Variants in FGF13 observed in about 807,000 individuals in gnomAD.
The protein encoded by FGF13 is fibroblast growth factor 13.
Under a neutral mutation model 19.5 loss-of-function variants are expected in FGF13, and 2 were observed. That is an observed-to-expected ratio of 0.10 (90% CI 0.04 to 0.32). The LOEUF is 0.32. Ranked by LOEUF, FGF13 falls within the 10% of genes least tolerant of loss-of-function variation. The probability of loss-of-function intolerance (pLI) is 1.00; values close to 1 mark genes in which losing one functional copy is unlikely to be tolerated. For missense variants in FGF13, 113 were observed against 192.7 expected (o/e 0.59, Z 2.45); for synonymous variants, 72 against 76.9 (o/e 0.94, Z 0.33).
intron 3 of FGF13, among the ~76,000 whole-genome samples, chrX:138,826,841 C>T (rs1396076932): frequency 1.8e-5 from 2 of 112,185 alleles, no homozygotes. Flanking sequence ...ACTTATGACC[C>T]AAGAGATCCT....
intron 1 of FGF13, among the ~76,000 whole-genome samples, chrX:138,865,473 C>CTT (rs375917846): frequency 1.6e-5 from 1 of 64,421 alleles, no homozygotes; most frequent in East Asian, 4.2e-4. Flanking sequence ...CTCTCTCTCT[C>CTT]CTCTCTCTCT....
At chrX:139,200,435 A>C (rs961280448) in intron 1 of FGF13, among the ~76,000 whole-genome samples, 1 of 112,226 alleles carries the variant, frequency 8.9e-6, no homozygotes, top group African/African-American at 3.2e-5. Flanking sequence ...GGAAGTGAAC[A>C]AAAAACGAAC....
upstream of FGF13, among the ~76,000 whole-genome samples, chrX:138,741,947 C>G (rs753191495): frequency 8.9e-6 from 1 of 111,903 alleles, no homozygotes; most frequent in Non-Finnish European, 1.9e-5. Flanking sequence ...AGACTGGGTT[C>G]TTGGAATGTA....
At chrX:139,003,619 GAT>G (rs1230036031) in intron 1 of FGF13, among the ~76,000 whole-genome samples, 2 of 34,540 alleles carry the variant, frequency 5.8e-5, no homozygotes, top group Admixed American at 4.9e-4. Flanking sequence ...AGATTAGTTA[GAT>G]ACAGAGTTTC....
At chrX:139,003,298 T>TGGTCTTGC (rs2092082908) in intron 1 of FGF13, among the ~76,000 whole-genome samples, 1 of 110,958 alleles carries the variant, frequency 9.0e-6, no homozygotes, top group African/African-American at 3.3e-5. Context: ...GGTGGGCTTG[T>TGGTCTTGC]GGTCTCGCTG....
rs746680951 is a variant in FGF13, at chrX:138,837,845, C to G, written c.217+19667G>C. Among the ~76,000 whole-genome samples, 8 of 112,717 alleles carry G rather than the reference C, an allele frequency of 7.1e-5. No homozygotes were observed. The South Asian group carries it at 2.6e-3, about 36-fold the overall frequency. ...CAAAGATGGCAGCCTGCCCCTCACT[C>G]TGGGTTCTCTGTCCCAGGGAGTTTT... On this transcript the variant is annotated intron_variant, in intron 3 of 6. Coordinates refer to the FGF13 transcript ENST00000436198.
intron 1 of FGF13, among the ~76,000 whole-genome samples, chrX:139,079,356 G>A (rs774771807): frequency 1.8e-5 from 2 of 109,793 alleles, no homozygotes; most frequent in Non-Finnish European, 3.8e-5. Context: ...ACAATATGGA[G>A]AACAAGACAG....
rs146219081 is a variant in FGF13, at chrX:139,008,169, C to T, written c.-112-143519G>A. Among the ~76,000 whole-genome samples the T allele has an allele frequency of 1.6e-3, 182 of 112,232 alleles. 9 individuals are homozygous for T. The East Asian group carries it at 0.04, about 25-fold the overall frequency. ...AAGCCCTGCCCAAAGAGAATCTGAG[C>T]TCAGATATGCCTATCCCTGCCCCCA... On this transcript the variant is annotated intron_variant, in intron 1 of 2. Coordinates refer to the FGF13 transcript ENST00000421460.
At chrX:138,671,390 A>G (rs185571029) in intron 3 of FGF13, among the ~76,000 whole-genome samples, 2 of 112,034 alleles carry the variant, frequency 1.8e-5, no homozygotes, top group East Asian at 5.6e-4. Flanking sequence ...ACGTTTATCA[A>G]TATCTTTTCC....
intron 3 of FGF13, among the ~76,000 whole-genome samples, chrX:138,746,979 C>CAA (rs2090360840): frequency 9.0e-6 from 1 of 111,471 alleles, no homozygotes; most frequent in South Asian, 3.8e-4. Flanking sequence ...CAAGTGATTT[C>CAA]ATCTGTTTCC....
chrX:138,888,835 A>G (rs1451481519), intron 1 of FGF13, among the ~76,000 whole-genome samples: 2 of 111,857 alleles, frequency 1.8e-5, no homozygotes, highest in Admixed American at 1.9e-4. Flanking sequence ...AAGAAACTCT[A>G]TCGTCAACCA....
intron 1 of FGF13, among the ~76,000 whole-genome samples, chrX:139,029,841 CA>C (rs1307439197): frequency 8.9e-6 from 1 of 111,763 alleles, no homozygotes; most frequent in African/African-American, 3.2e-5. Context: ...TATGATACTG[CA>C]CAGAATCTCA....
intron 1 of FGF13, among the ~76,000 whole-genome samples, chrX:139,192,433 C>A (rs940823985): frequency 1.8e-5 from 2 of 112,046 alleles, no homozygotes; most frequent in Non-Finnish European, 3.8e-5. Flanking sequence ...AGTCAGATTA[C>A]CATCTCTTTT....
intron 1 of FGF13, among the ~76,000 whole-genome samples, chrX:138,953,600 G>GAAA (rs2091825725): frequency 9.0e-6 from 1 of 111,453 alleles, no homozygotes; most frequent in Non-Finnish European, 1.9e-5. Flanking sequence ...GAAAACATCT[G>GAAA]TCTGCAAAAA....
intron 1 of FGF13, among the ~76,000 whole-genome samples, chrX:138,735,276 A>G (rs1273985601): frequency 8.9e-6 from 1 of 112,065 alleles, no homozygotes; most frequent in East Asian, 2.8e-4. Flanking sequence ...AAAGAGTCCT[A>G]GTAAACACCT....
intron 1 of FGF13, among the ~76,000 whole-genome samples, chrX:138,867,833 C>CTATCTATCTATCATCT (rs1556269063): frequency 8.8e-4 from 87 of 99,317 alleles, no homozygotes; most frequent in East Asian, 2.7e-3. Context: ...ATCTATCTAT[C>CTATCTATCTATCATCT]ATCTATCTAT....
At chrX:138,964,965 C>G (rs2091889127) in intron 1 of FGF13, among the ~76,000 whole-genome samples, 2 of 111,885 alleles carry the variant, frequency 1.8e-5, no homozygotes, top group African/African-American at 6.5e-5. Context: ...AACTACATCA[C>G]CACCTATTCC....
At chrX:138,994,436 T>C (rs775463183) in intron 1 of FGF13, among the ~76,000 whole-genome samples, 58 of 111,678 alleles carry the variant, frequency 5.2e-4, no homozygotes, top group African/African-American at 1.8e-3. Flanking sequence ...AAACATCTAG[T>C]CCATAATTTT....
At chrX:139,030,026 C>T (rs987748750) in intron 1 of FGF13, among the ~76,000 whole-genome samples, 10 of 111,639 alleles carry the variant, frequency 9.0e-5, no homozygotes, top group Admixed American at 3.8e-4. Context: ...AATAAGCATG[C>T]GCCAATAAAA....
Sources: gnomAD v4.1 joint callset for allele counts (sites outside exome capture counted in the v4.1 genomes callset) on GRCh38, gnomAD v4.1.1 for gene constraint, MANE v1.5 for transcripts, NCBI Gene and HGNC (gene_info 2026-07-23, HGNC 2026-07-21) for gene names.